Variants in NFIB observed in about 807,000 individuals in gnomAD.
The protein encoded by NFIB is nuclear factor I B.
Under a neutral mutation model 61.5 loss-of-function variants are expected in NFIB, and 11 were observed. That is an observed-to-expected ratio of 0.18 (90% CI 0.11 to 0.30). NFIB has a LOEUF of 0.30. NFIB is among the 10% of genes least tolerant of loss of function. The pLI is 1.00. For missense variants in NFIB, 471 were observed against 608.9 expected (o/e 0.77, Z 2.38); for synonymous variants, 260 against 216.5 (o/e 1.20, Z -1.76).
intron 3 of NFIB, among the ~76,000 whole-genome samples, chr9:14,160,440 A>T (rs565905401): frequency 1.3e-5 from 2 of 152,266 alleles, no homozygotes; most frequent in Admixed American, 6.5e-5. Context: ...GAAATTAAAA[A>T]AAAAGAAGCC....
the NFIB span, among the ~76,000 whole-genome samples, chr9:14,492,690 A>T: frequency 1.3e-5 from 2 of 152,124 alleles, no homozygotes; most frequent in African/African-American, 4.8e-5. Flanking sequence ...ATCCACCCCC[A>T]TGATACAATC....
chr9:14,454,698 T>A, the NFIB span, among the ~76,000 whole-genome samples: 2 of 152,232 alleles, frequency 1.3e-5, no homozygotes, highest in Non-Finnish European at 2.9e-5. Context: ...TGGTAATTGT[T>A]CTATTTGTTA....
chr9:14,424,067 T>C, the NFIB span, among the ~76,000 whole-genome samples: 2 of 152,176 alleles, frequency 1.3e-5, no homozygotes, highest in East Asian at 3.9e-4. Flanking sequence ...AGAGAAGCTC[T>C]TTTAAGTTCC....
chr9:14,460,206 A>C, the NFIB span, among the ~76,000 whole-genome samples: 1 of 152,212 alleles, frequency 6.6e-6, no homozygotes, highest in Non-Finnish European at 1.5e-5. Flanking sequence ...TGATGAGTTC[A>C]TGTCCTTTGT....
intron 6 of NFIB, among the ~76,000 whole-genome samples, chr9:14,145,137 G>C (rs1448198252): frequency 6.6e-6 from 1 of 150,808 alleles, no homozygotes. Context: ...TGAGGGGGGG[G>C]TCTCACAGTC....
chr9:14,303,816 G>GA (rs2059882458), intron 2 of NFIB, among the ~76,000 whole-genome samples: 1 of 152,158 alleles, frequency 6.6e-6, no homozygotes, highest in Non-Finnish European at 1.5e-5. Context: ...TTGTAGCAAC[G>GA]AAACAGCCGA....
chr9:14,108,180 C>A (rs1019363030), intron 10 of NFIB, among the ~76,000 whole-genome samples: 2 of 152,078 alleles, frequency 1.3e-5, no homozygotes, highest in Non-Finnish European at 2.9e-5. Context: ...CATGTGATAG[C>A]GTTTTACGTC....
At chr9:14,463,747 G>A in the NFIB span, among the ~76,000 whole-genome samples, 2 of 136,344 alleles carry the variant, frequency 1.5e-5, no homozygotes, top group Non-Finnish European at 3.0e-5. Flanking sequence ...CGCAAGCTCC[G>A]CCTCCCGGGT....
chr9:14,184,325 T>C (rs1253575728), intron 2 of NFIB, among the ~76,000 whole-genome samples: 1 of 152,240 alleles, frequency 6.6e-6, no homozygotes, highest in African/African-American at 2.4e-5. Flanking sequence ...CTGGGAAACT[T>C]ACCTTCCCCT....
chr9:14,246,190 T>C (rs1222194674), intron 2 of NFIB, among the ~76,000 whole-genome samples: 1 of 151,964 alleles, frequency 6.6e-6, no homozygotes. Context: ...CCAGACCTAA[T>C]TTTAACACTT....
the NFIB span, among the ~76,000 whole-genome samples, chr9:14,489,941 A>T: frequency 6.6e-6 from 1 of 152,080 alleles, no homozygotes; most frequent in Non-Finnish European, 1.5e-5. Flanking sequence ...GTGGTTTTCA[A>T]TTTAGGTGGT....
chr9:14,123,808 T>C (rs924480765), intron 7 of NFIB, among the ~76,000 whole-genome samples: 7 of 151,558 alleles, frequency 4.6e-5, no homozygotes, highest in Admixed American at 4.6e-4. Context: ...CCTTCCATGT[T>C]GCCCCTCTTC....
chr9:14,453,714 G>A, the NFIB span, among the ~76,000 whole-genome samples: 7 of 152,278 alleles, frequency 4.6e-5, no homozygotes, highest in African/African-American at 1.7e-4. Context: ...GTTTGAAATG[G>A]TGACATTATT....
chr9:14,159,706 T>C (rs922569822), intron 3 of NFIB, among the ~76,000 whole-genome samples: 8 of 152,308 alleles, frequency 5.3e-5, no homozygotes, highest in African/African-American at 1.9e-4. Context: ...GCTTACTCAT[T>C]AGCATACAGA....
intron 2 of NFIB, among the ~76,000 whole-genome samples, chr9:14,284,108 C>A (rs1345925965): frequency 6.6e-6 from 1 of 152,038 alleles, no homozygotes; most frequent in Non-Finnish European, 1.5e-5. Context: ...TACTAGCTTT[C>A]GGATTGGAGA....
At chr9:14,398,531 C>T (rs972532838) in exon 1 of NFIB, 2 of 1,533,346 alleles carry the variant, frequency 1.3e-6, no homozygotes, top group African/African-American at 2.8e-5. Flanking sequence ...CACAGAAAAT[C>T]CAAAGCACAG....
chr9:14,190,302 G>C (rs887116051), intron 2 of NFIB, among the ~76,000 whole-genome samples: 5 of 152,036 alleles, frequency 3.3e-5, no homozygotes, highest in African/African-American at 4.8e-5. Flanking sequence ...AAGATGCATA[G>C]CAATTAACTG....
intron 2 of NFIB, among the ~76,000 whole-genome samples, chr9:14,247,498 G>C (rs566280341): frequency 1.3e-5 from 2 of 152,322 alleles, no homozygotes; most frequent in African/African-American, 4.8e-5. Context: ...CAGTCATGGA[G>C]GCCTACATGG....
chr9:14,400,150 T>C (rs1440807225), upstream of NFIB, among the ~76,000 whole-genome samples: 1 of 152,178 alleles, frequency 6.6e-6, no homozygotes, highest in Non-Finnish European at 1.5e-5. Flanking sequence ...CAACAGTAGC[T>C]TTATGTTCTG....
Sources: gnomAD v4.1 joint callset for allele counts (sites outside exome capture counted in the v4.1 genomes callset) on GRCh38, gnomAD v4.1.1 for gene constraint, MANE v1.5 for transcripts, NCBI Gene and HGNC (gene_info 2026-07-23, HGNC 2026-07-21) for gene names.